The following AEBP2 variants were observed in gnomAD, a reference collection of about 807,000 sequenced individuals.
AEBP2 encodes AE binding protein 2, also known as zinc finger protein AEBP2.
A neutral mutation model predicts 50.8 loss-of-function variants in AEBP2; 10 were observed. The ratio of observed to expected loss-of-function variants is 0.20; its 90% confidence interval spans 0.12 to 0.33. The LOEUF is 0.33. Among genes scored for constraint, AEBP2 ranks in the 10% least tolerant of loss-of-function variants. The pLI is 1.00. For missense variants in AEBP2, 570 were observed against 688.0 expected (o/e 0.83, Z 1.92); for synonymous variants, 296 against 261.3 (o/e 1.13, Z -1.28).
chr12:19,456,225 G>A, intron 1 of AEBP2: 3 of 1,469,038 alleles, frequency 2.0e-6, no homozygotes, highest in Non-Finnish European at 9.3e-7. Flanking sequence ...GACCGGGGTG[G>A]CAGGTATTAG....
At chr12:19,442,994 T>C (rs1947990298) in intron 1 of AEBP2, among the ~76,000 whole-genome samples, 2 of 152,220 alleles carry the variant, frequency 1.3e-5, no homozygotes, top group African/African-American at 4.8e-5. Context: ...ATTACAAAGA[T>C]TCTATTATAA....
chr12:19,476,995 G>T (rs1325948825), intron 3 of AEBP2, among the ~76,000 whole-genome samples: 1 of 152,182 alleles, frequency 6.6e-6, no homozygotes, highest in East Asian at 1.9e-4. Flanking sequence ...TCTTTCAGCA[G>T]TGTTTTGTAG....
chr12:19,411,043 G>A (rs1468619536), intron 1 of AEBP2, among the ~76,000 whole-genome samples: 13 of 151,634 alleles, frequency 8.6e-5, no homozygotes, highest in Non-Finnish European at 1.5e-4. Context: ...GCTGTGAGGC[G>A]GTCACGGCAA....
chr12:19,466,582 C>T (rs911811106), intron 2 of AEBP2, among the ~76,000 whole-genome samples: 2 of 152,232 alleles, frequency 1.3e-5, no homozygotes, highest in Non-Finnish European at 1.5e-5. Flanking sequence ...AATCTATACC[C>T]ATTAAACAAA....
chr12:19,497,887 A>G (rs1174653160), intron 4 of AEBP2, among the ~76,000 whole-genome samples: 1 of 152,246 alleles, frequency 6.6e-6, no homozygotes, highest in Non-Finnish European at 1.5e-5. Context: ...ACATTATACA[A>G]AATTGCCAAG....
chr12:19,481,632 A>G (rs1261717857), intron 3 of AEBP2, among the ~76,000 whole-genome samples: 1 of 151,934 alleles, frequency 6.6e-6, no homozygotes, highest in Non-Finnish European at 1.5e-5. Flanking sequence ...GCACTTGCCA[A>G]CATGCCTGGC....
At chr12:19,439,127 A>G (rs1947893071), upstream of AEBP2, among the ~76,000 whole-genome samples, 1 of 152,294 alleles carries the variant, frequency 6.6e-6, no homozygotes, top group African/African-American at 2.4e-5. Flanking sequence ...CTTACACCGT[A>G]GTGTTTTAAT....
intron 1 of AEBP2, among the ~76,000 whole-genome samples, chr12:19,433,338 G>T (rs1330540265): frequency 1.3e-5 from 2 of 152,016 alleles, no homozygotes; most frequent in African/African-American, 4.8e-5. Flanking sequence ...CAGTGAGCCA[G>T]GATCTCACCA....
chr12:19,426,260 A>G (rs890253980), intron 1 of AEBP2, among the ~76,000 whole-genome samples: 52 of 152,104 alleles, frequency 3.4e-4, no homozygotes, highest in African/African-American at 1.2e-3. Context: ...TAATTCAATG[A>G]TGGTGACTAG....
intron 1 of AEBP2, among the ~76,000 whole-genome samples, chr12:19,408,145 C>T (rs779845375): frequency 5.3e-5 from 8 of 152,010 alleles, no homozygotes; most frequent in South Asian, 4.2e-4. Context: ...TTAGAGAATA[C>T]GTATGTGTAG....
chr12:19,475,442 G>A (rs1197546418), intron 3 of AEBP2, among the ~76,000 whole-genome samples: 2 of 151,824 alleles, frequency 1.3e-5, no homozygotes, highest in Non-Finnish European at 2.9e-5. Flanking sequence ...TGGTATGTAT[G>A]TATGTATGTG....
At chr12:19,413,955 G>A (rs1050209048) in intron 1 of AEBP2, among the ~76,000 whole-genome samples, 7 of 150,868 alleles carry the variant, frequency 4.6e-5, no homozygotes, top group South Asian at 4.2e-4. Flanking sequence ...GTGCAGCGCC[G>A]CCATCTCAGC....
At chr12:19,425,666 G>C (rs191342021) in intron 1 of AEBP2, among the ~76,000 whole-genome samples, 1 of 151,406 alleles carries the variant, frequency 6.6e-6, no homozygotes, top group Non-Finnish European at 1.5e-5. Context: ...CCAGCTACTT[G>C]GAAGGCTGAG....
Position 19,440,200 on chromosome 12 carries a change from C to A in AEBP2, c.501C>A (p.Ser167Arg). 1 of 1,453,146 alleles carries A rather than the reference C, an allele frequency of 6.9e-7. No individual in the cohort carries two copies. Among genetic ancestry groups the A allele is most frequent in the Non-Finnish European group, 9.0e-7 (1 of 1,115,112 alleles). 90.0% of individuals were successfully genotyped at this position (1,453,146 alleles called of 1,614,324 possible). A position where few individuals can be genotyped will look rare whatever the true frequency, so the allele number is the denominator to read the frequency against. ...AGGAGCCCAAGGGACCGCGGGGCAG[C>A]CAGGGCGGCGGCGGGGGCGGCAGCA... is the stretch of plus-strand genomic sequence containing the variant. ...GLEEPKGPRG[S>R]QGGGGGGSSS... The change falls in exon 1 of 8, where the codon AGC (serine) becomes AGA (arginine). Residue 167 changes from serine to arginine, a missense_variant. This residue lies in a region of AEBP2 where 386 missense variants were observed against 336.8 expected (regional missense o/e 1.15). Coordinates refer to ENST00000266508, the MANE Select transcript of AEBP2 (RefSeq NM_153207.5).
At chr12:19,447,420 A>G (rs1592722059) in intron 1 of AEBP2, among the ~76,000 whole-genome samples, 1 of 152,316 alleles carries the variant, frequency 6.6e-6, no homozygotes, top group South Asian at 2.1e-4. Flanking sequence ...AACCATGTCT[A>G]TCTTGATTGG....
At chr12:19,409,419 A>C (rs373287139) in intron 1 of AEBP2, among the ~76,000 whole-genome samples, 15 of 152,300 alleles carry the variant, frequency 9.8e-5, no homozygotes, top group African/African-American at 3.4e-4. Context: ...GAGAGAATGA[A>C]TATCTTGTCC....
chr12:19,429,369 G>C (rs1255029148), intron 1 of AEBP2, among the ~76,000 whole-genome samples: 1 of 152,096 alleles, frequency 6.6e-6, no homozygotes, highest in Non-Finnish European at 1.5e-5. Context: ...TCTTAATCCA[G>C]TCTATCACTG....
At chr12:19,474,935 G>A (rs542846570) in intron 3 of AEBP2, among the ~76,000 whole-genome samples, 71 of 152,118 alleles carry the variant, frequency 4.7e-4, no homozygotes, top group Non-Finnish European at 8.5e-4. Context: ...TGGGATTACC[G>A]GCATGCGCCA....
chr12:19,419,680 A>G (rs2095744537), intron 1 of AEBP2, among the ~76,000 whole-genome samples: 1 of 152,234 alleles, frequency 6.6e-6, no homozygotes, highest in Admixed American at 6.5e-5. Context: ...CTGTAATCCC[A>G]GCACTTTGGG....
Sources: allele counts gnomAD v4.1 joint callset (sites outside exome capture counted in the v4.1 genomes callset), GRCh38; gene constraint gnomAD v4.1.1; regional missense constraint gnomAD v4.1.1; transcripts MANE v1.5; gene names NCBI Gene and HGNC (gene_info 2026-07-23, HGNC 2026-07-21).